The following EPS8L1 variants were observed in gnomAD, a reference collection of about 807,000 sequenced individuals.
EPS8L1 encodes the protein EPS8 signaling adaptor L1.
EPS8L1 carries 101 observed loss-of-function variants against 91.7 expected under a neutral mutation model. The ratio of observed to expected loss-of-function variants is 1.10; its 90% CI spans 0.94 to 1.30. EPS8L1 has a LOEUF of 1.30. Among genes scored for constraint, EPS8L1 ranks in the 50% most tolerant of loss-of-function variants. The probability of loss-of-function intolerance (pLI) is 0.00; values close to 1 mark genes in which losing one functional copy is unlikely to be tolerated. For missense variants in EPS8L1, 1,114 were observed against 1,017.0 expected (o/e 1.10, Z -1.30); for synonymous variants, 506 against 445.3 (o/e 1.14, Z -1.72).
chr19:55,081,694 A>T lies in EPS8L1; in HGVS notation c.775-79A>T, dbSNP rs1391015361. Reference sequence around the variant, plus strand: ...CGTGGCCTGATCTGGGGAAGTGTATAGGTGCTCAGGTTCAGGGCTTCGACG... The same window carrying T: ...CGTGGCCTGATCTGGGGAAGTGTATTGGTGCTCAGGTTCAGGGCTTCGACG... On this transcript the variant is annotated intron_variant, in intron 8 of 19. Transcript: ENST00000201647. The surrounding 1 kb of genome is among the most constrained non-coding windows in gnomAD (Gnocchi z 4.9). 10 of 1,533,518 alleles carry T rather than the reference A, an allele frequency of 6.5e-6. No homozygotes were observed. The highest frequency in any genetic ancestry group is 1.8e-4 in the Middle Eastern group (1 of 5,558). The allele number at this position is 1,533,518 out of a possible 1,614,324, so 95.0% of individuals were successfully genotyped here.
Position 55,086,783 on chromosome 19 carries a change from C to A in EPS8L1, c.1847C>A (p.Pro616Gln). 6.2e-7 allele frequency: 1 copy of A among 1,607,914 alleles called. No individual in the cohort carries two copies. The highest frequency in any genetic ancestry group is 8.5e-7 in the Non-Finnish European group (1 of 1,177,914). The part of the protein sequence containing the change: ...QARLAQGRSG[P>Q]SRAVPGPRAP... ...CGCCTGGCCCAGGGCCGCTCGGGAC[C>A]GAGCCGCGCAGTCCCAGGGCCCCGC... is the stretch of plus-strand genomic sequence containing the variant. Residue 616 changes from proline to glutamine, a missense_variant, in exon 18 of 20, where the codon CCG becomes CAG. Transcript: ENST00000201647.
chr19:55,079,625 T>TGG, intron 4 of EPS8L1, 65 bp from the exon 5 acceptor site: 1 of 1,556,846 alleles, frequency 6.4e-7, no homozygotes, highest in South Asian at 1.2e-5. Flanking sequence ...CTGATTATTC[T>TGG]GGGGGATTCT....
intron 14 of EPS8L1, among the ~76,000 whole-genome samples, chr19:55,085,506 A>T (rs1423507578): frequency 6.6e-6 from 1 of 152,150 alleles, no homozygotes; most frequent in Admixed American, 6.6e-5. Context: ...TGATATATAA[A>T]GCCCAGTGCC....
At position 55,082,460 on chromosome 19, in the gene EPS8L1, A is replaced by G; in HGVS notation, c.1072A>G (p.Asn358Asp). The G allele has an allele frequency of 2.5e-6, 4 of 1,612,266 alleles. No homozygotes were observed. Among genetic ancestry groups the G allele is most frequent in the Middle Eastern group, 3.3e-4 (2 of 6,058 alleles). Residue 358 changes from asparagine to aspartate, a missense_variant, in exon 12 of 20, where the codon AAC becomes GAC. Transcript: ENST00000201647. ...FLFGPLQMIV[N>D]TSGGPEFASS... The stretch of plus-strand genomic sequence containing the variant: ...CCTCCTGCTCCCCTGACAGATTGTG[A>G]ACACGTCGGGGGGGCCGGAGTTCGC...
At chr19:55,076,109 A>T (rs1425665479) in intron 1 of EPS8L1, among the ~76,000 whole-genome samples, 190 bp downstream of exon 1, 179 of 123,904 alleles carry the variant, frequency 1.4e-3, no homozygotes, top group Non-Finnish European at 1.9e-3. Flanking sequence ...GAGGGCCTGG[A>T]CTCCTGGGTC....
Position 55,082,266 on chromosome 19 carries a change from A to C in EPS8L1, c.991-9A>C. 2 of 1,608,114 alleles carry C rather than the reference A, an allele frequency of 1.2e-6. No homozygotes were observed. Among genetic ancestry groups the C allele is most frequent in the African/African-American group, 2.7e-5 (2 of 74,086 alleles). On this transcript the variant is annotated splice_polypyrimidine_tract_variant and intron_variant, in intron 10 of 19. Transcript: ENST00000201647. ...ACCCACGCCAACCACCTCCCTCCCC[A>C]CGCCCCAGGCCCGGCTGCGCGGCAA...
chr19:55,087,492 A>G, intron 19 of EPS8L1, 36 bp from the exon 20 acceptor site: 1 of 1,614,118 alleles, frequency 6.2e-7, no homozygotes, highest in Non-Finnish European at 8.5e-7. Flanking sequence ...GAGGGCTCGG[A>G]CGCCAGGACA....
chr19:55,081,719 G>C lies in EPS8L1; in HGVS notation c.775-54G>C, dbSNP rs1258221107. The C allele has an allele frequency of 8.3e-6, 13 of 1,561,000 alleles. No individual in the cohort carries two copies. The East Asian group carries it at 2.0e-4, about 24-fold the overall frequency. ...AGGTGCTCAGGTTCAGGGCTTCGAC[G>C]GGGATGGTTTTGGAACTCGGGAGCC... On this transcript the variant is annotated intron_variant, in intron 8 of 19. Coordinates refer to ENST00000201647, the MANE Select transcript of EPS8L1 (RefSeq NM_133180.3). The surrounding 1 kb of genome is among the most constrained non-coding windows in gnomAD (Gnocchi z 4.9).
In EPS8L1 at chr19:55,082,531, G is replaced by C; in HGVS notation, c.1143G>C (p.Leu381=). The change falls in exon 12 of 20, where the codon CTG becomes CTC. Residue 381 remains leucine (L), a synonymous_variant. Coordinates refer to ENST00000201647, the MANE Select transcript of EPS8L1 (RefSeq NM_133180.3). ...RPHLTSDAVA[L]LRDNVTPREN... is the part of the protein sequence containing the mutation. ...ATCTGACATCGGATGCCGTGGCGCT[G>C]CTGCGGGACAACGTCACTCCACGTG... 1 of 1,610,854 alleles carries C rather than the reference G, an allele frequency of 6.2e-7. No individual in the cohort carries two copies. Among genetic ancestry groups the C allele is most frequent in the South Asian group, 1.1e-5 (1 of 90,716 alleles).
chr19:55,087,159 G>T, intron 18 of EPS8L1, 144 bp from the exon 19 acceptor site: 1 of 1,282,626 alleles, frequency 7.8e-7, no homozygotes, highest in Non-Finnish European at 1.0e-6. Context: ...TGATTGGTGG[G>T]TGGGGTTCAG....
At position 55,083,559 on chromosome 19, in the gene EPS8L1, C is replaced by T. The variant is rs2076316834; in HGVS notation, c.1356+40C>T. On this transcript the variant is annotated intron_variant, in intron 13 of 19. Coordinates refer to ENST00000201647, the MANE Select transcript of EPS8L1 (RefSeq NM_133180.3). The surrounding 1 kb of genome is among the most constrained non-coding windows in gnomAD (Gnocchi z 4.7). ...ACAGCAGGGCCGAGGCTGGGAAGTC[C>T]GGGGGCGCGGCCGGTCCGCCTGGCC... The T allele has an allele frequency of 1.3e-6, 2 of 1,597,484 alleles. No individual in the cohort carries two copies. The highest frequency in any genetic ancestry group is 1.3e-5 in the African/African-American group (1 of 74,828).
At position 55,087,395 on chromosome 19, in the gene EPS8L1, G is replaced by A; in HGVS notation, c.2045G>A (p.Arg682His). 1.9e-6 allele frequency: 3 copies of A among 1,614,008 alleles called. No individual in the cohort carries two copies. The highest frequency in any genetic ancestry group is 8.5e-7 in the Non-Finnish European group (1 of 1,179,994). ...GCGGTGAGCCCCGAGGAGGGGGCACGTGTGTACAGCCAGGTCACCGTGCAG... is the reference window on the plus strand; with the variant it reads ...GCGGTGAGCCCCGAGGAGGGGGCACATGTGTACAGCCAGGTCACCGTGCAG... ...LRAVSPEEGA[R>H]VYSQVTVQRS... is the part of the protein sequence containing the mutation. Residue 682 changes from arginine to histidine, a missense_variant, in exon 19 of 20, where the codon CGT becomes CAT. Arg to His is a conservative substitution (Grantham distance 29, BLOSUM62 0). Transcript: ENST00000201647.
rs754509221 is a variant in EPS8L1, at chr19:55,086,104, C to G, written c.1562C>G (p.Ala521Gly). The G allele has an allele frequency of 6.2e-7, 1 of 1,603,112 alleles. No homozygotes were observed. Among genetic ancestry groups the G allele is most frequent in the Non-Finnish European group, 8.5e-7 (1 of 1,173,342 alleles). ...SRKWWKVRDP[A>G]GQEGYVPYNI... ...AAGTGGTGGAAGGTTCGGGACCCAG[C>G]GGGGCAGGAGGGATATGTGCCCTAC... Residue 521 changes from alanine (A) to glycine (G), a missense_variant, in exon 16 of 20, where the codon GCG becomes GGG. Coordinates refer to ENST00000201647, the MANE Select transcript of EPS8L1 (RefSeq NM_133180.3).
rs370301871 is a variant in EPS8L1, at chr19:55,080,861, G to T, written c.512+7G>T. On this transcript the variant is annotated splice_region_variant and intron_variant, in intron 7 of 19. Coordinates refer to ENST00000201647, the MANE Select transcript of EPS8L1 (RefSeq NM_133180.3). ...GCAGGGCGGCGGCGCTCAGGTGAGA[G>T]GGAAGAAGTTGGCAGGGTCTCTGGG... is the stretch of plus-strand genomic sequence containing the variant. 1.9e-6 allele frequency: 3 copies of T among 1,602,238 alleles called. No homozygotes were observed. The East Asian group carries it at 6.7e-5, about 36-fold the overall frequency.
In EPS8L1 at chr19:55,086,072, C is replaced by T; in HGVS notation, c.1530C>T (p.Asp510=). The change falls in exon 16 of 20, where the codon GAC becomes GAT. Residue 510 remains aspartate (D), a synonymous_variant. Transcript: ENST00000201647. ...KQRDVLEVLD[D]SRKWWKVRDP... is the part of the protein sequence containing the mutation. ...TTTACCACACCCAGGTCCTGGATGA[C>T]AGTCGTAAGTGGTGGAAGGTTCGGG... The T allele has an allele frequency of 6.3e-7, 1 of 1,594,744 alleles. No homozygotes were observed. The highest frequency in any genetic ancestry group is 1.3e-5 in the African/African-American group (1 of 74,670).
rs1301172040 is a variant in EPS8L1 at position 55,079,067 on chromosome 19, G to A, written c.117+10G>A. Reference sequence around the variant, plus strand: ...CCAGTACCCAGTCAATGTGAGTCTGGGGTCTGTGTTCCCCCAGGACATCTT... The same window carrying A: ...CCAGTACCCAGTCAATGTGAGTCTGAGGTCTGTGTTCCCCCAGGACATCTT... On this transcript the variant is annotated intron_variant, in intron 4 of 19. Coordinates refer to ENST00000201647, the MANE Select transcript of EPS8L1 (RefSeq NM_133180.3). 1 of 1,613,854 alleles carries A rather than the reference G, an allele frequency of 6.2e-7. No individual in the cohort carries two copies. Among genetic ancestry groups the A allele is most frequent in the Non-Finnish European group, 8.5e-7 (1 of 1,179,912 alleles).
At chr19:55,087,056 G>A (rs2076360428) in intron 18 of EPS8L1, 168 bp downstream of exon 18, 1 of 1,093,006 alleles carries the variant, frequency 9.1e-7, no homozygotes, top group South Asian at 1.7e-5. Flanking sequence ...GGCTGTGATT[G>A]CCATGTTTTT....
In EPS8L1 at chr19:55,087,639, G is replaced by A. The variant is rs1200812782; in HGVS notation, c.*25G>A. On this transcript the variant is annotated 3_prime_UTR_variant, in exon 20 of 20. Transcript: ENST00000201647. ...ACCTGCCAGGCGCCCTTCGCAAAGA[G>A]TGACGAGGCCCCGTGGGAGAACGGA... 13 of 1,612,424 alleles carry A rather than the reference G, an allele frequency of 8.1e-6. No individual in the cohort carries two copies. The highest frequency in any genetic ancestry group is 1.1e-5 in the Non-Finnish European group (13 of 1,178,880).
intron 16 of EPS8L1, 32 bp downstream of exon 16, chr19:55,086,224 G>T: frequency 1.3e-6 from 2 of 1,594,268 alleles, no homozygotes; most frequent in African/African-American, 2.7e-5. Flanking sequence ...GATCTTGAGG[G>T]TGGAGAGGCT....
Sources: gnomAD v4.1 joint callset for allele counts (sites outside exome capture counted in the v4.1 genomes callset) on GRCh38, gnomAD v4.1.1 for gene constraint, Gnocchi (gnomAD v3.1) non-coding constraint, MANE v1.5 for transcripts, NCBI Gene and HGNC (gene_info 2026-07-23, HGNC 2026-07-21) for gene names.